PDE4D: variants seen among roughly 807,000 people sequenced by gnomAD.
PDE4D encodes the protein phosphodiesterase 4D, also known as 3',5'-cyclic-AMP phosphodiesterase 4D.
Under a neutral mutation model 87.4 loss-of-function variants are expected in PDE4D, and 24 were observed. The observed-to-expected ratio is 0.27, with a 90% CI of 0.20 to 0.39. The LOEUF (loss-of-function observed/expected upper bound fraction) is 0.39, where lower values mean the gene tolerates loss of function less well. PDE4D is among the 10% of genes least tolerant of loss of function. The pLI is 1.00. For synonymous variants in PDE4D, 384 were observed against 383.2 expected (o/e 1.00, Z -0.02); for missense variants, 714 against 1,041.0 (o/e 0.69, Z 4.32).
chr5:59,920,443 T>C (rs983400502), intron 3 of PDE4D, among the ~76,000 whole-genome samples: 11 of 152,336 alleles, frequency 7.2e-5, no homozygotes, highest in African/African-American at 2.2e-4. Flanking sequence ...ATTGGCTTTG[T>C]GGTATTTTAT....
intron 1 of PDE4D, among the ~76,000 whole-genome samples, chr5:60,301,828 T>C (rs912349179): frequency 1.3e-5 from 2 of 152,236 alleles, no homozygotes; most frequent in African/African-American, 4.8e-5. Flanking sequence ...ATGGCTCTTA[T>C]TATTTTGAGG....
chr5:59,046,225 A>G (rs1397698893), intron 5 of PDE4D, among the ~76,000 whole-genome samples: 5 of 152,212 alleles, frequency 3.3e-5, no homozygotes, highest in African/African-American at 1.2e-4. Flanking sequence ...TGCCTCATCT[A>G]CACAGGAAAG....
chr5:59,944,210 C>T (rs754615131), intron 3 of PDE4D, among the ~76,000 whole-genome samples: 1 of 152,162 alleles, frequency 6.6e-6, no homozygotes, highest in Non-Finnish European at 1.5e-5. Flanking sequence ...AGATTCTGTA[C>T]CTGAGCTATT....
intron 1 of PDE4D, among the ~76,000 whole-genome samples, chr5:59,872,985 G>A (rs1463244355): frequency 6.6e-6 from 1 of 152,094 alleles, no homozygotes; most frequent in Non-Finnish European, 1.5e-5. Flanking sequence ...GTGCTTGTGC[G>A]CAAAATGGCT....
At chr5:59,667,455 G>A (rs967535866) in intron 1 of PDE4D, among the ~76,000 whole-genome samples, 11 of 152,068 alleles carry the variant, frequency 7.2e-5, no homozygotes, top group African/African-American at 2.7e-4. Flanking sequence ...GGGACTACAG[G>A]TGCACACCAT....
chr5:59,413,447 G>A (rs1311507805), intron 1 of PDE4D, among the ~76,000 whole-genome samples: 3 of 100,158 alleles, frequency 3.0e-5, no homozygotes, highest in Admixed American at 1.3e-4. Context: ...GACTGAGTGA[G>A]ACTCCATCTC....
At chr5:59,254,160 A>T (rs1760519548) in intron 1 of PDE4D, among the ~76,000 whole-genome samples, 1 of 152,082 alleles carries the variant, frequency 6.6e-6, no homozygotes, top group Non-Finnish European at 1.5e-5. Context: ...TCTTCCAGTC[A>T]CCAACACATG....
intron 1 of PDE4D, among the ~76,000 whole-genome samples, chr5:60,375,305 C>T (rs1487463939): frequency 6.6e-6 from 1 of 152,172 alleles, no homozygotes; most frequent in Non-Finnish European, 1.5e-5. Context: ...GGCTCTCAAA[C>T]ATTGTTGAAT....
intron 1 of PDE4D, among the ~76,000 whole-genome samples, chr5:59,753,173 A>G (rs1266175474): frequency 6.6e-6 from 1 of 152,220 alleles, no homozygotes; most frequent in African/African-American, 2.4e-5. Flanking sequence ...ATGAGACAGT[A>G]TAAGTAGGAC....
At chr5:60,316,488 G>C (rs1485713062) in intron 1 of PDE4D, among the ~76,000 whole-genome samples, 1 of 152,116 alleles carries the variant, frequency 6.6e-6, no homozygotes, top group Non-Finnish European at 1.5e-5. Context: ...TCTTTCTCCT[G>C]CCTGATTGTC....
intron 1 of PDE4D, among the ~76,000 whole-genome samples, chr5:59,795,922 AG>A (rs1183973675): frequency 1.1e-4 from 17 of 152,188 alleles, no homozygotes; most frequent in African/African-American, 3.9e-4. Context: ...CATATGCAGG[AG>A]GAAGGCACTA....
At chr5:60,260,469 T>C (rs1255626505) in intron 1 of PDE4D, among the ~76,000 whole-genome samples, 1 of 152,026 alleles carries the variant, frequency 6.6e-6, no homozygotes, top group Non-Finnish European at 1.5e-5. Context: ...ATACTAGCAA[T>C]GCAAAGAGTA....
intron 1 of PDE4D, among the ~76,000 whole-genome samples, chr5:60,329,300 T>A (rs1053941224): frequency 1.3e-5 from 2 of 152,102 alleles, no homozygotes; most frequent in African/African-American, 4.8e-5. Context: ...TCTCATGAGA[T>A]CTGATGGTTT....
intron 1 of PDE4D, among the ~76,000 whole-genome samples, chr5:59,789,031 T>A (rs973113242): frequency 6.6e-6 from 1 of 152,192 alleles, no homozygotes; most frequent in Non-Finnish European, 1.5e-5. Flanking sequence ...AACAATCACT[T>A]CACTGTTACC....
chr5:59,165,363 TC>T (rs1781766929), intron 5 of PDE4D, among the ~76,000 whole-genome samples: 1 of 152,208 alleles, frequency 6.6e-6, no homozygotes. Flanking sequence ...AACCTCTGCC[TC>T]CCAGGTTCAA....
At chr5:60,264,729 C>T (rs1247956099) in intron 1 of PDE4D, among the ~76,000 whole-genome samples, 2 of 152,176 alleles carry the variant, frequency 1.3e-5, no homozygotes, top group Non-Finnish European at 2.9e-5. Flanking sequence ...CTTTGGCTTG[C>T]TTGGGACACC....
intron 1 of PDE4D, among the ~76,000 whole-genome samples, chr5:59,345,547 G>A (rs1029758840): frequency 6.6e-6 from 1 of 152,104 alleles, no homozygotes; most frequent in Non-Finnish European, 1.5e-5. Flanking sequence ...TATTCATCAT[G>A]AGGAGAAACA....
intron 1 of PDE4D, among the ~76,000 whole-genome samples, chr5:59,325,976 A>G (rs1775565026): frequency 6.6e-6 from 1 of 152,154 alleles, no homozygotes; most frequent in East Asian, 1.9e-4. Context: ...AGGGACATGG[A>G]TGAAGCTGGA....
chr5:59,504,030 T>C (rs1328413562), intron 1 of PDE4D, among the ~76,000 whole-genome samples: 3 of 152,180 alleles, frequency 2.0e-5, no homozygotes. Flanking sequence ...CTTTTATATA[T>C]TGGGGTCTAG....
Sources: gnomAD v4.1 joint callset for allele counts (sites outside exome capture counted in the v4.1 genomes callset) on GRCh38, gnomAD v4.1.1 for gene constraint, MANE v1.5 for transcripts, NCBI Gene and HGNC (gene_info 2026-07-23, HGNC 2026-07-21) for gene names.